The following RASAL2 variants were observed in gnomAD, a reference collection of about 807,000 sequenced individuals.
RASAL2 encodes the protein RAS protein activator like 2.
A neutral mutation model predicts 128.9 loss-of-function variants in RASAL2; 58 were observed. The ratio of observed to expected loss-of-function variants is 0.45; its 90% CI spans 0.36 to 0.56. RASAL2 has a LOEUF of 0.56. RASAL2 is among the 20% of genes least tolerant of loss of function. The probability of loss-of-function intolerance (pLI) is 0.00; values close to 1 mark genes in which losing one functional copy is unlikely to be tolerated. For missense variants in RASAL2, 1,360 were observed against 1,601.6 expected, an observed-to-expected ratio of 0.85 and a Z score of 2.57; for synonymous variants, 561 against 580.8, an observed-to-expected ratio of 0.97 and a Z score of 0.49.
rs1044283327 is a variant in RASAL2, at chr1:178,165,110, C to T, written c.202+70416C>T. ...CCATTTTATATAAGAGTCTTGAGCGCATGGATTTTATTATCTGAGAGACAT... is the reference window on the plus strand; with the variant it reads ...CCATTTTATATAAGAGTCTTGAGCGTATGGATTTTATTATCTGAGAGACAT... On this transcript the variant is annotated intron_variant, in intron 1 of 17. Transcript: ENST00000367649. 2.6e-5 allele frequency among the ~76,000 whole-genome samples: 4 copies of T among 151,818 alleles called. No homozygotes were observed. In the South Asian group the frequency reaches 6.2e-4, roughly 24 times the overall value.
chr1:178,435,353 AATTGC>A (rs1676188607), intron 5 of RASAL2, among the ~76,000 whole-genome samples: 1 of 152,082 alleles, frequency 6.6e-6, no homozygotes, highest in African/African-American at 2.4e-5. Flanking sequence ...TTTTACTTAA[AATTGC>A]ACTAATCAGT....
chr1:178,110,736 A>G (rs1407677699), intron 1 of RASAL2, among the ~76,000 whole-genome samples: 1 of 150,182 alleles, frequency 6.7e-6, no homozygotes. Context: ...TAAGGCACAC[A>G]CTACTATGCC....
rs1325556901 is a variant in RASAL2, at chr1:178,409,159, A to G, written c.565-11352A>G. ...GGAGAAGATTGCATCATGGGAGAGG[A>G]TTTCCCCTATGCTGTTCTCATGATA... On this transcript the variant is annotated intron_variant, in intron 4 of 17. Coordinates refer to ENST00000367649, the MANE Select transcript of RASAL2 (RefSeq NM_170692.4). 2.0e-5 allele frequency among the ~76,000 whole-genome samples: 3 copies of G among 152,132 alleles called. No individual in the cohort carries two copies. In the East Asian group the frequency reaches 5.8e-4, roughly 29 times the overall value.
chr1:178,463,360 T>C (rs1647311709), intron 14 of RASAL2, among the ~76,000 whole-genome samples: 1 of 152,174 alleles, frequency 6.6e-6, no homozygotes, highest in South Asian at 2.1e-4. Flanking sequence ...AATTGTAATA[T>C]CTAATGCTAG....
At chr1:178,450,200 T>C (rs1197302480) in intron 9 of RASAL2, among the ~76,000 whole-genome samples, 1 of 152,164 alleles carries the variant, frequency 6.6e-6, no homozygotes, top group Non-Finnish European at 1.5e-5. Context: ...ACTTTTTGTA[T>C]GGTGCACCTA....
chr1:178,206,570 G>A (rs960679847), intron 1 of RASAL2, among the ~76,000 whole-genome samples: 3 of 152,146 alleles, frequency 2.0e-5, no homozygotes, highest in Admixed American at 1.3e-4. Context: ...AAGCTTCCTG[G>A]CTGCAAAGTC....
Position 178,445,561 on chromosome 1 carries a change from G to A in RASAL2, c.1526G>A (p.Gly509Glu), listed in dbSNP as rs1347943690. 1 of 1,613,840 alleles carries A rather than the reference G, an allele frequency of 6.2e-7. No homozygotes were observed. The highest frequency in any genetic ancestry group is 2.2e-5 in the East Asian group (1 of 44,862). ...DLVMSEVDRC[G>E]EHDVLIFREN... Reference sequence around the variant, plus strand: ...GTGATGTCTGAGGTGGATCGTTGTGGAGAGCATGATGTCTTGATCTTCAGA... The same window carrying A: ...GTGATGTCTGAGGTGGATCGTTGTGAAGAGCATGATGTCTTGATCTTCAGA... The change falls in exon 9 of 18, where the codon GGA becomes GAA. Residue 509 changes from glycine (G) to glutamate (E), a missense_variant. Coordinates refer to ENST00000367649, the MANE Select transcript of RASAL2 (RefSeq NM_170692.4).
At chr1:178,254,308 A>G (rs897354448) in intron 1 of RASAL2, among the ~76,000 whole-genome samples, 4 of 152,144 alleles carry the variant, frequency 2.6e-5, no homozygotes, top group Non-Finnish European at 5.9e-5. Context: ...GTCTCCCCAT[A>G]TTATATACTC....
chr1:178,374,211 TAG>T (rs1671874985), intron 3 of RASAL2, among the ~76,000 whole-genome samples: 1 of 152,154 alleles, frequency 6.6e-6, no homozygotes, highest in African/African-American at 2.4e-5. Context: ...ATCTGAGATG[TAG>T]CTTGTGATAG....
At chr1:178,449,591 T>G (rs999287949) in intron 9 of RASAL2, among the ~76,000 whole-genome samples, 1 of 151,988 alleles carries the variant, frequency 6.6e-6, no homozygotes, top group Non-Finnish European at 1.5e-5. Flanking sequence ...AAGGCAAACT[T>G]AAGTGGGTTT....
intron 3 of RASAL2, among the ~76,000 whole-genome samples, chr1:178,317,188 G>A (rs1241327500): frequency 7.7e-6 from 1 of 130,704 alleles, no homozygotes; most frequent in Admixed American, 7.4e-5. Flanking sequence ...GCTGGATTCG[G>A]TTTGCCAGTA....
At chr1:178,448,193 A>G (rs1677143963) in intron 9 of RASAL2, among the ~76,000 whole-genome samples, 1 of 152,186 alleles carries the variant, frequency 6.6e-6, no homozygotes, top group South Asian at 2.1e-4. Context: ...AGAAAGAGAG[A>G]GCATCCAAAA....
Position 178,390,110 on chromosome 1 carries a change from A to G in RASAL2, c.468A>G (p.Ala156=). ...CCTCCTTTTTTCCAGAGGTACCAGC[A>G]GAAAGGTCCCCTCGTAGACGGAGTA... is the stretch of plus-strand genomic sequence containing the variant. ...PEGATKLEVP[A]ERSPRRRSIS... is the part of the protein sequence containing the mutation. The change falls in exon 4 of 18, where the codon GCA becomes GCG. Residue 156 remains alanine (A), a synonymous_variant. Transcript: ENST00000367649. 2.5e-6 allele frequency: 4 copies of G among 1,603,672 alleles called. No homozygotes were observed. The highest frequency in any genetic ancestry group is 3.4e-6 in the Non-Finnish European group (4 of 1,176,510).
At chr1:178,234,988 T>G (rs768459144) in intron 1 of RASAL2, among the ~76,000 whole-genome samples, 5 of 152,196 alleles carry the variant, frequency 3.3e-5, no homozygotes, top group Non-Finnish European at 5.9e-5. Flanking sequence ...CTTTGCTCAG[T>G]GAATTTTAGT....
rs140755134 is a variant in RASAL2, at chr1:178,110,013, A to G, written c.202+15319A>G. 2.1e-4 allele frequency among the ~76,000 whole-genome samples: 32 copies of G among 152,310 alleles called. 1 individual carries two copies. The highest frequency in any genetic ancestry group is 1.6e-3 in the Admixed American group (25 of 15,292). On this transcript the variant is annotated intron_variant, in intron 1 of 17. Coordinates refer to ENST00000367649, the MANE Select transcript of RASAL2 (RefSeq NM_170692.4). ...AGCCTGAGCTACAGAGTGAGACACC[A>G]TCTCTAAAGCAAACAAACGAAAAAC...
chr1:178,373,965 G>A lies in RASAL2; in HGVS notation c.458-16135G>A, dbSNP rs184166969. ...CACCCAATGGAAGCTTCAGATTATA[G>A]ATAAAAACAGGTAAGTTAGAGTCCT... On this transcript the variant is annotated intron_variant, in intron 3 of 17. Coordinates refer to ENST00000367649, the MANE Select transcript of RASAL2 (RefSeq NM_170692.4). Among the ~76,000 whole-genome samples, 622 of 152,228 alleles carry A rather than the reference G, an allele frequency of 4.1e-3. 5 individuals are homozygous for A. Among genetic ancestry groups the A allele is most frequent in the Non-Finnish European group, 5.1e-3 (345 of 67,986 alleles).
At chr1:178,271,200 G>A (rs1398340035) in intron 1 of RASAL2, among the ~76,000 whole-genome samples, 1 of 152,172 alleles carries the variant, frequency 6.6e-6, no homozygotes, top group African/African-American at 2.4e-5. Flanking sequence ...CAAGGATTCT[G>A]TGGTTTAAAT....
Position 178,349,258 on chromosome 1 carries a change from TAAAAAAA to T in RASAL2, c.458-40828_458-40822del, listed in dbSNP as rs1163062770. Among the ~76,000 whole-genome samples, 9 of 110,818 alleles carry T rather than the reference TAAAAAAA, an allele frequency of 8.1e-5. 1 individual carries two copies. The East Asian group carries it at 1.4e-3, about 17-fold the overall frequency. 72.7% of individuals were successfully genotyped at this position (110,818 alleles called of 152,430 possible). ...ACATGGTGAAACCCTGTCTCTACTT[TAAAAAAA>T]AAAAAAAAAAAAAGCCAGGCATGGT... On this transcript the variant is annotated intron_variant, in intron 3 of 17. Coordinates refer to ENST00000367649, the MANE Select transcript of RASAL2 (RefSeq NM_170692.4).
At chr1:178,338,977 G>T (rs1669730868) in intron 3 of RASAL2, among the ~76,000 whole-genome samples, 2 of 152,240 alleles carry the variant, frequency 1.3e-5, no homozygotes, top group African/African-American at 4.8e-5. Flanking sequence ...TCAGGAAAAT[G>T]CCTGACGTTA....
Sources: gnomAD v4.1 joint callset for allele counts (sites outside exome capture counted in the v4.1 genomes callset) on GRCh38, gnomAD v4.1.1 for gene constraint, MANE v1.5 for transcripts, NCBI Gene and HGNC (gene_info 2026-07-23, HGNC 2026-07-21) for gene names.